ATP11A: variants seen among roughly 807,000 people sequenced by gnomAD.
ATP11A encodes phospholipid-transporting ATPase IH.
A neutral mutation model predicts 154.4 loss-of-function variants in ATP11A; 81 were observed. The observed-to-expected ratio is 0.52, with a 90% confidence interval of 0.44 to 0.63. ATP11A has a LOEUF of 0.63. ATP11A is among the 30% of genes least tolerant of loss of function. The pLI, the probability that ATP11A is intolerant of heterozygous loss-of-function variation, is 0.00. For synonymous variants in ATP11A, 623 were observed against 585.9 expected, an observed-to-expected ratio of 1.06 and a Z score of -0.91; for missense variants, 1,316 against 1,474.3, an observed-to-expected ratio of 0.89 and a Z score of 1.76.
intron 4 of ATP11A, 79 bp downstream of exon 4, chr13:112,806,372 G>A (rs2078323336): frequency 8.5e-7 from 1 of 1,170,286 alleles, no homozygotes; most frequent in Non-Finnish European, 1.3e-6. Flanking sequence ...CGAGGTGATT[G>A]GTTTGTTGTA....
chr13:112,769,318 A>G (rs1174389774), intron 1 of ATP11A, among the ~76,000 whole-genome samples: 1 of 152,228 alleles, frequency 6.6e-6, no homozygotes, highest in Non-Finnish European at 1.5e-5. Context: ...GCTCAGAGGC[A>G]CAGCAGGTGC....
At chr13:112,748,194 A>G (rs1444563071) in intron 1 of ATP11A, among the ~76,000 whole-genome samples, 2 of 152,256 alleles carry the variant, frequency 1.3e-5, no homozygotes, top group Non-Finnish European at 2.9e-5. Flanking sequence ...TCCAAAGCAC[A>G]TCTGGTCCCA....
chr13:112,731,254 C>T (rs1481646932), intron 1 of ATP11A, among the ~76,000 whole-genome samples: 1 of 152,206 alleles, frequency 6.6e-6, no homozygotes. Flanking sequence ...CAGGCATGAG[C>T]TACTGTGTCC....
chr13:112,802,536 A>C (rs1229717024), intron 2 of ATP11A, among the ~76,000 whole-genome samples: 1 of 144,438 alleles, frequency 6.9e-6, no homozygotes, highest in Non-Finnish European at 1.5e-5. Flanking sequence ...AAATAGTGCT[A>C]GAAAAACTGG....
rs557245790 is a variant in ATP11A at position 112,825,725 on chromosome 13, C to T, written c.1023+145C>T. ...TCAGTCTCTGTGATAGATGCATTCACTGAAATTTAAAGTCTCAGTGGACAC... is the reference window on the plus strand; with the variant it reads ...TCAGTCTCTGTGATAGATGCATTCATTGAAATTTAAAGTCTCAGTGGACAC... On this transcript the variant is annotated intron_variant, in intron 11 of 29. Coordinates refer to ENST00000375645, the MANE Select transcript of ATP11A (RefSeq NM_015205.3). 14 of 998,338 alleles carry T rather than the reference C, an allele frequency of 1.4e-5. No homozygotes were observed. In the African/African-American group the frequency reaches 2.1e-4, roughly 15 times the overall value. 61.8% of individuals were successfully genotyped at this position (998,338 alleles called of 1,614,324 possible). A position where few individuals can be genotyped will look rare whatever the true frequency, so the allele number is the denominator to read the frequency against.
intron 1 of ATP11A, among the ~76,000 whole-genome samples, chr13:112,721,745 G>A (rs924289925): frequency 4.6e-5 from 7 of 152,310 alleles, no homozygotes; most frequent in Non-Finnish European, 8.8e-5. Context: ...GCCTCTTCTG[G>A]CCCCCAGCGA....
intron 5 of ATP11A, among the ~76,000 whole-genome samples, chr13:112,814,689 T>C (rs1486671227): frequency 6.6e-6 from 1 of 152,168 alleles, no homozygotes; most frequent in Non-Finnish European, 1.5e-5. Flanking sequence ...CTGTTTCTGG[T>C]TCCCTGGTCT....
intron 1 of ATP11A, among the ~76,000 whole-genome samples, chr13:112,725,189 C>G (rs541632269): frequency 3.9e-5 from 6 of 152,294 alleles, no homozygotes; most frequent in African/African-American, 1.4e-4. Flanking sequence ...CTGACTCAGG[C>G]TCGGGCTGGG....
chr13:112,764,364 T>C (rs961484250), intron 1 of ATP11A, among the ~76,000 whole-genome samples: 10 of 152,376 alleles, frequency 6.6e-5, no homozygotes, highest in African/African-American at 2.4e-4. Context: ...TTGTAGAAGT[T>C]CCTGGTGCAG....
rs1160656761 is a variant in ATP11A at position 112,785,084 on chromosome 13, T to G, written c.40-51T>G. 4 of 1,405,436 alleles carry G rather than the reference T, an allele frequency of 2.8e-6. No homozygotes were observed. The highest frequency in any genetic ancestry group is 9.3e-7 in the Non-Finnish European group (1 of 1,071,098). The allele number at this position is 1,405,436 out of a possible 1,614,324, so 87.1% of individuals were successfully genotyped here. ...TCAAGGCAACACTCTGGGCAAGAGC[T>G]TTTGATGCAGGTTCTGAGGCAGCTG... is the stretch of plus-strand genomic sequence containing the variant. On this transcript the variant is annotated intron_variant, in intron 1 of 29. Coordinates refer to ENST00000375645, the MANE Select transcript of ATP11A (RefSeq NM_015205.3). The surrounding 1 kb of genome is among the most constrained non-coding windows in gnomAD (Gnocchi z 4.8).
Position 112,690,691 on chromosome 13 carries a change from A to ACCTGCTCCCTGGCCGCGGCCG in ATP11A, c.39+241_39+261dup, listed in dbSNP as rs1441406366. On this transcript the variant is annotated intron_variant, in intron 1 of 29. Coordinates refer to ENST00000375645, the MANE Select transcript of ATP11A (RefSeq NM_015205.3). This position sits in a 1 kb window ranked among gnomAD's most constrained non-coding sequence, Gnocchi z 5.6. The stretch of plus-strand genomic sequence containing the variant: ...CGCGGGGCCCCAGCCCCGGGCGGCC[A>ACCTGCTCCCTGGCCGCGGCCG]CCTGCTCCCTGGCCGCGGCCGCCTG... 2.0e-5 allele frequency among the ~76,000 whole-genome samples: 3 copies of ACCTGCTCCCTGGCCGCGGCCG among 151,724 alleles called. No homozygotes were observed. The highest frequency in any genetic ancestry group is 4.4e-5 in the Non-Finnish European group (3 of 67,884).
At chr13:112,709,220 C>A (rs1470753268) in intron 1 of ATP11A, among the ~76,000 whole-genome samples, 1 of 152,184 alleles carries the variant, frequency 6.6e-6, no homozygotes, top group Non-Finnish European at 1.5e-5. Context: ...CCCTACAAAT[C>A]ATAAATTCTC....
At chr13:112,692,282 A>C (rs1389470954) in intron 1 of ATP11A, among the ~76,000 whole-genome samples, 1 of 152,130 alleles carries the variant, frequency 6.6e-6, no homozygotes, top group Non-Finnish European at 1.5e-5. Flanking sequence ...TCTAACACTC[A>C]GTGTTAAAAA....
intron 1 of ATP11A, among the ~76,000 whole-genome samples, chr13:112,733,995 A>C (rs1890746078): frequency 6.6e-6 from 1 of 152,182 alleles, no homozygotes; most frequent in African/African-American, 2.4e-5. Flanking sequence ...ACAAATACTC[A>C]TTGAGTTTCT....
chr13:112,864,620 A>G (rs9577394), intron 25 of ATP11A, among the ~76,000 whole-genome samples: 32,093 of 34,646 alleles, frequency 0.93, 15,081 homozygotes, highest in East Asian at 0.99. Context: ...TGCGGCCCAT[A>G]CAGCTTCCCA....
chr13:112,716,593 G>A (rs962691286), intron 1 of ATP11A, among the ~76,000 whole-genome samples: 1 of 152,196 alleles, frequency 6.6e-6, no homozygotes, highest in Non-Finnish European at 1.5e-5. Context: ...CGGTCTTCAT[G>A]CAGGGCCAGA....
At chr13:112,745,710 G>A (rs191667203) in intron 1 of ATP11A, 45 of 152,132 alleles carry the variant, frequency 3.0e-4, no homozygotes, top group African/African-American at 1.0e-3. Flanking sequence ...GATTAGGAGC[G>A]GTGAGAGGCA....
rs754294456 is a variant in ATP11A, at chr13:112,860,428, A to G, written c.2855+14A>G. 2 of 1,613,682 alleles carry G rather than the reference A, an allele frequency of 1.2e-6. No individual in the cohort carries two copies. The highest frequency in any genetic ancestry group is 1.7e-6 in the Non-Finnish European group (2 of 1,179,770). ...GACCCTGTACAGGTACCATCCTCCA[A>G]ACAGCCTCTCCTGAGAGCAGAGAGA... On this transcript the variant is annotated intron_variant, in intron 24 of 29. Coordinates refer to ENST00000375645, the MANE Select transcript of ATP11A (RefSeq NM_015205.3).
At chr13:112,742,395 G>A (rs550993015) in intron 1 of ATP11A, among the ~76,000 whole-genome samples, 94 of 152,272 alleles carry the variant, frequency 6.2e-4, no homozygotes, top group African/African-American at 1.3e-3. Context: ...GAGCCCCTGC[G>A]GGCGCTGGTC....
Sources: allele counts gnomAD v4.1 joint callset (sites outside exome capture counted in the v4.1 genomes callset), GRCh38; gene constraint gnomAD v4.1.1; non-coding constraint Gnocchi (gnomAD v3.1); transcripts MANE v1.5; gene names NCBI Gene and HGNC (gene_info 2026-07-23, HGNC 2026-07-21).